Variants in BNIP5 observed in about 807,000 individuals in gnomAD.
The protein encoded by BNIP5 is protein BNIP5.
BNIP5 carries 61 observed loss-of-function variants against 67.3 expected under a neutral mutation model. The observed-to-expected ratio is 0.91, with a 90% CI of 0.74 to 1.12. The LOEUF (loss-of-function observed/expected upper bound fraction) is 1.12. BNIP5 is among the 50% of genes most tolerant of loss of function. BNIP5 has a pLI of 0.00. For missense variants in BNIP5, 826 were observed against 816.3 expected, an observed-to-expected ratio of 1.01 and a Z score of -0.14; for synonymous variants, 317 against 319.0, an observed-to-expected ratio of 0.99 and a Z score of 0.07.
At chr6:36,326,848 G>C in intron 4 of BNIP5, 95 bp from the exon 5 acceptor site, 1 of 1,559,202 alleles carries the variant, frequency 6.4e-7, no homozygotes, top group Admixed American at 1.7e-5. Context: ...CTGCAAGATG[G>C]CCCCGAGAGA....
chr6:36,321,185 G>T lies in BNIP5; in HGVS notation c.1638C>A (p.Leu546=). 6.3e-7 allele frequency: 1 copy of T among 1,597,780 alleles called. No homozygotes were observed. The highest frequency in any genetic ancestry group is 8.5e-7 in the Non-Finnish European group (1 of 1,171,676). Residue 546 remains leucine (L), a synonymous_variant, in exon 10 of 12, where the codon CTC becomes CTA. Transcript: ENST00000437635. Reference sequence around the variant, plus strand: ...GCCCCAGTTGGCCATCCACTTCTTGGAGAAGTGCCACAAGCTTCTGGATGA... The same window carrying T: ...GCCCCAGTTGGCCATCCACTTCTTGTAGAAGTGCCACAAGCTTCTGGATGA... ...EIIIQKLVAL[L]QEVDGQLGQQ...
rs1771681467 is a variant in BNIP5, at chr6:36,323,418, G to T, written c.1346C>A (p.Thr449Asn). Residue 449 changes from threonine (T) to asparagine (N), a missense_variant, in exon 8 of 12, where the codon ACC (threonine) becomes AAC (asparagine). Transcript: ENST00000437635. ...CCCCGCTCTTCTGGGTTCCTTGGAG[G>T]TGTGTTTCTTATGGTAAAACGCTCT... ...FRRAFYHKKH[T>N]SKEPRRAGAA... is the part of the protein sequence containing the mutation. The T allele has an allele frequency of 1.2e-6, 2 of 1,614,144 alleles. No homozygotes were observed. The highest frequency in any genetic ancestry group is 4.5e-5 in the East Asian group (2 of 44,902).
chr6:36,328,360 T>C (rs957442840), intron 3 of BNIP5, among the ~76,000 whole-genome samples: 3 of 152,226 alleles, frequency 2.0e-5, no homozygotes, highest in Non-Finnish European at 2.9e-5. Flanking sequence ...AGTTCCGTTT[T>C]CATTAACACA....
At chr6:36,324,020 G>A (rs1771697633) in intron 7 of BNIP5, 109 bp downstream of exon 7, 1 of 813,226 alleles carries the variant, frequency 1.2e-6, no homozygotes, top group African/African-American at 1.7e-5. Context: ...AAAAAAGGAG[G>A]GACTGGAGCA....
At chr6:36,336,002 C>T (rs185979072) in intron 1 of BNIP5, among the ~76,000 whole-genome samples, 4 of 152,270 alleles carry the variant, frequency 2.6e-5, no homozygotes, top group East Asian at 3.9e-4. Flanking sequence ...CACACAATCA[C>T]GTGTGCCTAG....
At chr6:36,334,158 C>T (rs1314309033) in intron 1 of BNIP5, among the ~76,000 whole-genome samples, 1 of 152,254 alleles carries the variant, frequency 6.6e-6, no homozygotes, top group Non-Finnish European at 1.5e-5. Flanking sequence ...CACAATCCCA[C>T]CAGCACATGC....
intron 11 of BNIP5, among the ~76,000 whole-genome samples, chr6:36,318,454 T>A (rs1012821966): frequency 1.3e-5 from 2 of 151,612 alleles, no homozygotes; most frequent in African/African-American, 4.9e-5. Context: ...ATGCCTGTAA[T>A]CCCAGCACTT....
In BNIP5 at chr6:36,317,296, C is replaced by T. The variant is rs572918510; in HGVS notation, c.*60G>A. On this transcript the variant is annotated 3_prime_UTR_variant, in exon 12 of 12. Transcript: ENST00000437635. Reference sequence around the variant, plus strand: ...CATCACAGAGCATCTTCAGGGTCTCCTGGCTAAAGCTGCGAACCATTTGGC... The same window carrying T: ...CATCACAGAGCATCTTCAGGGTCTCTTGGCTAAAGCTGCGAACCATTTGGC... 949 of 1,385,444 alleles carry T rather than the reference C, an allele frequency of 6.8e-4. 13 individuals carry two copies. In the South Asian group the frequency reaches 0.01, roughly 15 times the overall value. 85.8% of individuals were successfully genotyped at this position (1,385,444 alleles called of 1,614,324 possible).
In BNIP5 at chr6:36,328,714, C is replaced by T; in HGVS notation, c.611G>A (p.Gly204Asp). The T allele has an allele frequency of 6.2e-7, 1 of 1,603,872 alleles. No individual in the cohort carries two copies. Among genetic ancestry groups the T allele is most frequent in the Non-Finnish European group, 8.5e-7 (1 of 1,170,728 alleles). The change falls in exon 3 of 12, where the codon GGT becomes GAT. Residue 204 changes from glycine (G) to aspartate (D), a missense_variant and splice_region_variant. By Grantham distance (94) the Gly-to-Asp change is moderately conservative. Transcript: ENST00000437635. ...GGACTGGTGATCAGAATCTTCCCCA[C>T]CTGGAATAGAGACGAAAGCAAACGG... is the stretch of plus-strand genomic sequence containing the variant. ...GEADLGPARR[G>D]GEDSDHQSFL...
chr6:36,321,006 T>A, intron 10 of BNIP5, 149 bp downstream of exon 10: 1 of 609,208 alleles, frequency 1.6e-6, no homozygotes, highest in Admixed American at 2.9e-5. Context: ...AAGTAGGTAA[T>A]TCTCTCTCAT....
At chr6:36,323,995 G>A (rs1034794178) in intron 7 of BNIP5, 134 bp downstream of exon 7, 14 of 675,948 alleles carry the variant, frequency 2.1e-5, no homozygotes, top group South Asian at 8.4e-5. Context: ...GCAAGACTCC[G>A]TCTCCAAAAA....
At chr6:36,325,190 C>T (rs1371667391) in intron 6 of BNIP5, 93 bp downstream of exon 6, 3 of 1,405,878 alleles carry the variant, frequency 2.1e-6, no homozygotes, top group East Asian at 4.6e-5. Flanking sequence ...GGACAGGTCA[C>T]TGCCTCTCTC....
chr6:36,327,206 G>T, intron 3 of BNIP5, 112 bp from the exon 4 acceptor site: 1 of 943,440 alleles, frequency 1.1e-6, no homozygotes, highest in South Asian at 1.5e-5. Context: ...CACAATGGAG[G>T]GAAAGCACCA....
At position 36,322,351 on chromosome 6, in the gene BNIP5, C is replaced by T. The variant is rs570127153; in HGVS notation, c.1563G>A (p.Thr521=). Residue 521 remains threonine (T), a synonymous_variant, in exon 9 of 12, where the codon ACG becomes ACA. Coordinates refer to ENST00000437635, the MANE Select transcript of BNIP5 (RefSeq NM_001010903.5). ...CACTCAGCTGAGGTGCCCCTTCTGG[C>T]GTGTGGCCTCTAGCCTGGGAGGGTG... ...SEAPSQARGH[T]PEGAPQLSGA... is the part of the protein sequence containing the mutation. 37 of 1,614,144 alleles carry T rather than the reference C, an allele frequency of 2.3e-5. No homozygotes were observed. The highest frequency in any genetic ancestry group is 4.0e-5 in the African/African-American group (3 of 75,044).
At chr6:36,332,329 G>A (rs1027623624) in intron 1 of BNIP5, among the ~76,000 whole-genome samples, 4 of 150,816 alleles carry the variant, frequency 2.7e-5, no homozygotes, top group Non-Finnish European at 4.4e-5. Context: ...CCTTCCCATC[G>A]AGGCCCTCCC....
intron 1 of BNIP5, among the ~76,000 whole-genome samples, chr6:36,333,994 C>G (rs971094500): frequency 1.3e-5 from 2 of 152,196 alleles, no homozygotes; most frequent in African/African-American, 4.8e-5. Context: ...GCACGGAGGA[C>G]CGGCGCTTCC....
chr6:36,328,867 T>G (rs545895379), intron 2 of BNIP5, among the ~76,000 whole-genome samples, 153 bp from the exon 3 acceptor site: 56 of 152,172 alleles, frequency 3.7e-4, no homozygotes, highest in Middle Eastern at 6.8e-3. Flanking sequence ...AACCAAAAAA[T>G]CAGAAACCCA....
Position 36,327,098 on chromosome 6 carries a change from G to A in BNIP5, c.728-4C>T, listed in dbSNP as rs773551315. ...ATCATCTGAATGATAGCATCCTCTGGAAGAAAGCAAATGCATCCGGTTATT... is the reference window on the plus strand; with the variant it reads ...ATCATCTGAATGATAGCATCCTCTGAAAGAAAGCAAATGCATCCGGTTATT... On this transcript the variant is annotated splice_region_variant and splice_polypyrimidine_tract_variant and intron_variant, in intron 3 of 11. Coordinates refer to ENST00000437635, the MANE Select transcript of BNIP5 (RefSeq NM_001010903.5). 1 of 1,613,192 alleles carries A rather than the reference G, an allele frequency of 6.2e-7. No homozygotes were observed. The highest frequency in any genetic ancestry group is 8.5e-7 in the Non-Finnish European group (1 of 1,179,164).
In BNIP5 at chr6:36,326,675, T is replaced by TC; in HGVS notation, c.870dup (p.Thr291AspfsTer61). Reference sequence around the variant, plus strand: ...GTCTTTGAGGTTCTCTTGAGGCTTGTCTTTTTCTCTTGGGATTTCTTCCTA... The same window carrying TC: ...GTCTTTGAGGTTCTCTTGAGGCTTGTCCTTTTTCTCTTGGGATTTCTTCCTA... On this transcript the variant is annotated frameshift_variant, in exon 5 of 12. Transcript: ENST00000437635. LOFTEE classifies it high-confidence loss of function. 6.2e-7 allele frequency: 1 copy of TC among 1,614,266 alleles called. No homozygotes were observed. The highest frequency in any genetic ancestry group is 8.5e-7 in the Non-Finnish European group (1 of 1,180,052).
Sources: allele counts gnomAD v4.1 joint callset (sites outside exome capture counted in the v4.1 genomes callset), GRCh38; gene constraint gnomAD v4.1.1; transcripts MANE v1.5; gene names NCBI Gene and HGNC (gene_info 2026-07-23, HGNC 2026-07-21).